The following KAZN variants were observed in gnomAD, a reference collection of about 807,000 sequenced individuals.
The protein encoded by KAZN is kazrin.
KAZN carries 40 observed loss-of-function variants against 87.4 expected under a neutral mutation model. The ratio of observed to expected loss-of-function variants is 0.46; its 90% CI spans 0.36 to 0.60. KAZN has a LOEUF of 0.60. Among genes scored for constraint, KAZN ranks in the 20% least tolerant of loss-of-function variants. The probability of loss-of-function intolerance (pLI) is 0.00; values close to 1 mark genes in which losing one functional copy is unlikely to be tolerated. For missense variants in KAZN, 898 were observed against 1,073.9 expected (o/e 0.84, Z 2.29); for synonymous variants, 466 against 458.3 (o/e 1.02, Z -0.22).
At chr1:14,060,222 G>T (rs1006031039) in intron 1 of KAZN, among the ~76,000 whole-genome samples, 14 of 152,014 alleles carry the variant, frequency 9.2e-5, no homozygotes, top group Non-Finnish European at 1.8e-4. Flanking sequence ...AATTAGCTGG[G>T]CGTGGCAGCA....
intron 2 of KAZN, among the ~76,000 whole-genome samples, chr1:14,339,647 G>A (rs703797): frequency 0.13 from 19,930 of 152,170 alleles, 1,556 homozygotes; most frequent in East Asian, 0.36. Flanking sequence ...TCAGCCTTTT[G>A]TTTTATTGAG....
At chr1:14,847,902 C>T (rs115366039) in intron 1 of KAZN, among the ~76,000 whole-genome samples, 4,855 of 152,242 alleles carry the variant, frequency 0.032, 253 homozygotes, top group African/African-American at 0.11. Flanking sequence ...ATCACTCGAG[C>T]CCAGGAGTTC....
intron 1 of KAZN, among the ~76,000 whole-genome samples, chr1:14,740,200 A>G (rs1355532183): frequency 1.3e-5 from 2 of 152,128 alleles, no homozygotes; most frequent in African/African-American, 2.4e-5. Context: ...ACATCCCTGG[A>G]GCTCAGGGAA....
rs189306594 is a variant in KAZN, at chr1:14,728,422, C to T, written c.226+129199C>T. ...AAGCTTCACTTGCTCACTCACCTGC[C>T]GCTCACCTCCTGCTGCCCAGTTCCT... is the stretch of plus-strand genomic sequence containing the variant. On this transcript the variant is annotated intron_variant, in intron 1 of 14. Transcript: ENST00000376030. Among the ~76,000 whole-genome samples, 595 of 152,138 alleles carry T rather than the reference C, an allele frequency of 3.9e-3. 1 individual carries two copies. The highest frequency in any genetic ancestry group is 0.01 in the Middle Eastern group (3 of 292).
At chr1:14,257,974 A>AG (rs1413254471) in intron 2 of KAZN, among the ~76,000 whole-genome samples, 9 of 120,588 alleles carry the variant, frequency 7.5e-5, no homozygotes, top group Admixed American at 2.6e-4. Flanking sequence ...AAAAAAAAAG[A>AG]GAAAAAAAAA....
At chr1:13,940,068 A>T (rs6429808) in intron 1 of KAZN, among the ~76,000 whole-genome samples, 125,476 of 152,080 alleles carry the variant, frequency 0.83, 51,828 homozygotes, top group South Asian at 0.94. Flanking sequence ...ATCCAAACTA[A>T]ATCAGGGATA....
intron 1 of KAZN, among the ~76,000 whole-genome samples, chr1:14,859,913 C>G (rs3845594): frequency 6.6e-6 from 1 of 151,920 alleles, no homozygotes; most frequent in Non-Finnish European, 1.5e-5. Flanking sequence ...GCCTGGATTT[C>G]TCTCCCCAGT....
rs1640936522 is a variant in KAZN, at chr1:15,099,178, G to A, written c.1548-2365G>A. Reference sequence around the variant, plus strand: ...CAGTGGACCCAAGTGGTTCTGGGAGGCTGATGGGCAGAGGGAAGGAGAGTG... The same window carrying A: ...CAGTGGACCCAAGTGGTTCTGGGAGACTGATGGGCAGAGGGAAGGAGAGTG... On this transcript the variant is annotated intron_variant, in intron 10 of 14. Coordinates refer to ENST00000376030, the MANE Select transcript of KAZN (RefSeq NM_201628.3). The surrounding 1 kb of genome is among the most constrained non-coding windows in gnomAD (Gnocchi z 5.4). Among the ~76,000 whole-genome samples the A allele has an allele frequency of 1.3e-5, 2 of 152,188 alleles. No individual in the cohort carries two copies. Among genetic ancestry groups the A allele is most frequent in the African/African-American group, 4.8e-5 (2 of 41,450 alleles).
chr1:14,335,895 A>G (rs1657230443), intron 2 of KAZN, among the ~76,000 whole-genome samples: 1 of 152,232 alleles, frequency 6.6e-6, no homozygotes, highest in African/African-American at 2.4e-5. Context: ...AAAGAATACC[A>G]GAGCTGGGGA....
chr1:14,219,372 T>G (rs2100491736), intron 2 of KAZN, among the ~76,000 whole-genome samples: 1 of 152,322 alleles, frequency 6.6e-6, no homozygotes, highest in Non-Finnish European at 1.5e-5. Flanking sequence ...TTACAAAGTG[T>G]TGACCTTATA....
chr1:14,439,888 C>T (rs940574398), intron 2 of KAZN, among the ~76,000 whole-genome samples: 2 of 152,118 alleles, frequency 1.3e-5, no homozygotes, highest in African/African-American at 4.8e-5. Flanking sequence ...TCCTTCTTCC[C>T]GGAGGGTCCT....
chr1:15,085,293 C>A (rs1464649919), intron 8 of KAZN, among the ~76,000 whole-genome samples: 1 of 152,096 alleles, frequency 6.6e-6, no homozygotes, highest in Non-Finnish European at 1.5e-5. Context: ...AAACTCAGGT[C>A]TTTAGTTGTA....
intron 2 of KAZN, among the ~76,000 whole-genome samples, chr1:15,005,049 T>C (rs7541955): frequency 0.17 from 26,030 of 152,024 alleles, 2,479 homozygotes; most frequent in East Asian, 0.35. Flanking sequence ...CTCATATCCA[T>C]TGGGGAGGAT....
intron 1 of KAZN, among the ~76,000 whole-genome samples, chr1:14,035,096 T>C (rs916876060): frequency 6.6e-6 from 1 of 152,190 alleles, no homozygotes; most frequent in Non-Finnish European, 1.5e-5. Context: ...CTTCTTTTGT[T>C]CATTCTATAG....
intron 1 of KAZN, among the ~76,000 whole-genome samples, chr1:13,924,686 C>A (rs1640204185): frequency 6.6e-6 from 1 of 152,238 alleles, no homozygotes; most frequent in African/African-American, 2.4e-5. Context: ...CCCCCTACCC[C>A]ACTTTGAGTC....
At chr1:15,047,086 A>G (rs1268645866) in intron 4 of KAZN, among the ~76,000 whole-genome samples, 1 of 152,206 alleles carries the variant, frequency 6.6e-6, no homozygotes, top group Non-Finnish European at 1.5e-5. Flanking sequence ...CATCAGATGC[A>G]TCTGCCCGTG....
intron 2 of KAZN, among the ~76,000 whole-genome samples, chr1:15,010,018 C>T (rs980359769): frequency 1.5e-4 from 23 of 152,216 alleles, no homozygotes; most frequent in African/African-American, 3.9e-4. Flanking sequence ...CCTATTGACT[C>T]ATAAATTCTG....
intron 1 of KAZN, among the ~76,000 whole-genome samples, chr1:14,034,408 C>A (rs1386767934): frequency 6.6e-6 from 1 of 152,054 alleles, no homozygotes; most frequent in Non-Finnish European, 1.5e-5. Flanking sequence ...AATATTGCAT[C>A]ATTAAGGGAA....
At chr1:14,552,298 G>A (rs1319986062) in intron 2 of KAZN, among the ~76,000 whole-genome samples, 1 of 152,186 alleles carries the variant, frequency 6.6e-6, no homozygotes, top group Admixed American at 6.5e-5. Flanking sequence ...GAAAGATCCG[G>A]CTAGCAGAGC....
Sources: gnomAD v4.1 joint callset for allele counts (sites outside exome capture counted in the v4.1 genomes callset) on GRCh38, gnomAD v4.1.1 for gene constraint, Gnocchi (gnomAD v3.1) non-coding constraint, MANE v1.5 for transcripts, NCBI Gene and HGNC (gene_info 2026-07-23, HGNC 2026-07-21) for gene names.